The following TERF1 variants were observed in gnomAD, a reference collection of about 807,000 sequenced individuals.
The protein encoded by TERF1 is telomeric repeat binding factor 1, also known as telomeric repeat-binding factor 1.
In TERF1, 20 loss-of-function variants were observed where a neutral mutation model predicts 55.1. The ratio of observed to expected loss-of-function variants is 0.36; its 90% CI spans 0.26 to 0.53. The LOEUF is 0.53. Among genes scored for constraint, TERF1 ranks in the 20% least tolerant of loss-of-function variants. The probability of loss-of-function intolerance (pLI) is 0.91; values close to 1 mark genes in which losing one functional copy is unlikely to be tolerated. For missense variants in TERF1, 439 were observed against 535.7 expected (o/e 0.82, Z 1.78); for synonymous variants, 168 against 181.2 (o/e 0.93, Z 0.59).
chr8:73,037,320 C>A (rs933903803), intron 8 of TERF1, among the ~76,000 whole-genome samples: 9 of 126,084 alleles, frequency 7.1e-5, no homozygotes, highest in African/African-American at 2.3e-4. Flanking sequence ...ACTTACCTAC[C>A]TACCTACCTA....
intron 2 of TERF1, 21 bp downstream of exon 2, chr8:73,014,011 T>C (rs1344323565): frequency 6.6e-7 from 1 of 1,522,168 alleles, no homozygotes; most frequent in Admixed American, 1.7e-5. Context: ...TTTTTTATTT[T>C]ATATTGGAAA....
chr8:73,024,470 T>TACAGTTCTAAATTC (rs1343579648), intron 4 of TERF1, among the ~76,000 whole-genome samples: 4 of 152,128 alleles, frequency 2.6e-5, no homozygotes, highest in African/African-American at 9.7e-5. Flanking sequence ...AAATTCAGGG[T>TACAGTTCTAAATTC]AATGGTTACA....
intron 2 of TERF1, among the ~76,000 whole-genome samples, chr8:73,019,620 T>C (rs1238488067): frequency 6.6e-6 from 1 of 152,134 alleles, no homozygotes; most frequent in Non-Finnish European, 1.5e-5. Flanking sequence ...AGCCTCAGAC[T>C]CCTGGCTCAA....
In TERF1 at chr8:73,023,256, G is replaced by A. The variant is rs556465880; in HGVS notation, c.624+954G>A. On this transcript the variant is annotated intron_variant, in intron 4 of 9. Coordinates refer to ENST00000276603, the MANE Select transcript of TERF1 (RefSeq NM_017489.3). ...CAAAGTAGTTATGTCAGTTCCTCCA[G>A]TAGTGTGAAAGAATTCTAGTTGCTC... Among the ~76,000 whole-genome samples the A allele has an allele frequency of 9.8e-5, 15 of 152,318 alleles. No individual in the cohort carries two copies. The East Asian group carries it at 2.7e-3, about 27-fold the overall frequency.
chr8:73,014,553 G>T (rs955399815), intron 2 of TERF1, among the ~76,000 whole-genome samples: 2 of 152,178 alleles, frequency 1.3e-5, no homozygotes, highest in East Asian at 1.9e-4. Context: ...ATTTTAGATT[G>T]TAATGGGCAA....
At position 73,039,276 on chromosome 8, in the gene TERF1, A is replaced by G. The variant is rs1276205441; in HGVS notation, c.1143+57A>G. 4.1e-6 allele frequency: 5 copies of G among 1,228,444 alleles called. No homozygotes were observed. In the East Asian group the frequency reaches 9.9e-5, roughly 24 times the overall value. 76.1% of individuals were successfully genotyped at this position (1,228,444 alleles called of 1,614,324 possible). A position where few individuals can be genotyped will look rare whatever the true frequency, so the allele number is the denominator to read the frequency against. On this transcript the variant is annotated intron_variant, in intron 9 of 9. Transcript: ENST00000276603. Reference sequence around the variant, plus strand: ...TATGGACATTAAAGTTATAACTTGAATAATTGTGATTATTTCTGTTCAACC... The same window carrying G: ...TATGGACATTAAAGTTATAACTTGAGTAATTGTGATTATTTCTGTTCAACC...
Position 73,026,036 on chromosome 8 carries a change from A to G in TERF1, c.775-904A>G, listed in dbSNP as rs576263502. Among the ~76,000 whole-genome samples, 3 of 148,912 alleles carry G rather than the reference A, an allele frequency of 2.0e-5. No homozygotes were observed. In the South Asian group the frequency reaches 6.4e-4, roughly 32 times the overall value. On this transcript the variant is annotated intron_variant, in intron 5 of 9. Transcript: ENST00000276603. ...ATGGCAAAACCCCATCTCTACCGAA[A>G]AAATAGAAAAATTTAGCCAGACATA...
intron 8 of TERF1, among the ~76,000 whole-genome samples, chr8:73,033,879 G>A (rs1316269778): frequency 2.0e-5 from 3 of 152,106 alleles, no homozygotes; most frequent in African/African-American, 7.2e-5. Context: ...GTACTTCAGT[G>A]GTACCCAGGT....
intron 4 of TERF1, among the ~76,000 whole-genome samples, chr8:73,022,627 T>C (rs1808813088): frequency 6.6e-6 from 1 of 151,466 alleles, no homozygotes; most frequent in Non-Finnish European, 1.5e-5. Context: ...GAAAAATAAA[T>C]ACAATTTTCC....
chr8:73,030,149 T>C, intron 6 of TERF1, 187 bp from the exon 7 acceptor site: 1 of 399,142 alleles, frequency 2.5e-6, no homozygotes, highest in Non-Finnish European at 4.4e-6. Flanking sequence ...GTTTAATACC[T>C]CTTATAAGCA....
intron 4 of TERF1, among the ~76,000 whole-genome samples, chr8:73,023,460 G>A (rs917189818): frequency 6.6e-6 from 1 of 152,218 alleles, no homozygotes; most frequent in Non-Finnish European, 1.5e-5. Context: ...GGGCCTAGTA[G>A]AGAGTAGGTT....
At chr8:73,010,605 A>G (rs549778199) in intron 1 of TERF1, 5 of 152,364 alleles carry the variant, frequency 3.3e-5, no homozygotes, top group South Asian at 4.1e-4. Flanking sequence ...CTTGTTTACA[A>G]CTAAGTTTAG....
chr8:73,041,420 G>A (rs1809826389), intron 9 of TERF1, among the ~76,000 whole-genome samples: 1 of 152,104 alleles, frequency 6.6e-6, no homozygotes, highest in East Asian at 1.9e-4. Context: ...GTAAGGTAAG[G>A]GGAGGTGAAG....
intron 2 of TERF1, among the ~76,000 whole-genome samples, chr8:73,014,629 G>A (rs1381568697): frequency 6.6e-6 from 1 of 152,250 alleles, no homozygotes; most frequent in East Asian, 1.9e-4. Flanking sequence ...GCTATTTGAT[G>A]GAAATAATTT....
intron 8 of TERF1, among the ~76,000 whole-genome samples, chr8:73,037,566 T>C (rs1453645537): frequency 4.7e-5 from 5 of 106,780 alleles, no homozygotes; most frequent in African/African-American, 1.4e-4. Flanking sequence ...GGGGAAAATA[T>C]ATATATTTTT....
chr8:73,044,528 T>C (rs1352861832), intron 9 of TERF1, among the ~76,000 whole-genome samples: 1 of 152,154 alleles, frequency 6.6e-6, no homozygotes, highest in Non-Finnish European at 1.5e-5. Context: ...TTTTTTTTTC[T>C]TCGATTATAG....
intron 5 of TERF1, among the ~76,000 whole-genome samples, chr8:73,025,324 G>A (rs1000599416): frequency 2.6e-5 from 4 of 152,232 alleles, no homozygotes; most frequent in Admixed American, 2.0e-4. Flanking sequence ...TATTAAAGAA[G>A]GGCCTTTTAA....
chr8:73,026,500 AAAAC>A (rs1194467504), intron 5 of TERF1, among the ~76,000 whole-genome samples: 3 of 152,244 alleles, frequency 2.0e-5, no homozygotes, highest in Admixed American at 6.5e-5. Context: ...ACCCTGTCTC[AAAAC>A]AAACAACAAT....
At chr8:73,042,702 A>G (rs1001059750) in intron 9 of TERF1, among the ~76,000 whole-genome samples, 3 of 152,206 alleles carry the variant, frequency 2.0e-5, no homozygotes, top group African/African-American at 7.2e-5. Flanking sequence ...TTAAGGCATT[A>G]AAAAGCATTA....
Sources: gnomAD v4.1 joint callset for allele counts (sites outside exome capture counted in the v4.1 genomes callset) on GRCh38, gnomAD v4.1.1 for gene constraint, MANE v1.5 for transcripts, NCBI Gene and HGNC (gene_info 2026-07-23, HGNC 2026-07-21) for gene names.